LRP4: variants seen among roughly 807,000 people sequenced by gnomAD.
LRP4 encodes the protein low-density lipoprotein receptor-related protein 4.
LRP4 carries 95 observed loss-of-function variants against 220.3 expected under a neutral mutation model. The ratio of observed to expected loss-of-function variants is 0.43; its 90% confidence interval spans 0.37 to 0.51. The LOEUF (loss-of-function observed/expected upper bound fraction) is 0.51. Ranked by LOEUF, LRP4 falls within the 20% of genes least tolerant of loss-of-function variation. LRP4 has a pLI of 0.00. For missense variants in LRP4, 1,925 were observed against 2,567.0 expected (o/e 0.75, Z 5.40); for synonymous variants, 903 against 954.6 (o/e 0.95, Z 1.00).
chr11:46,905,475 T>G (rs1941744872), intron 1 of LRP4, among the ~76,000 whole-genome samples: 1 of 152,196 alleles, frequency 6.6e-6, no homozygotes. Flanking sequence ...TTTAGCAATG[T>G]TTGGAGACAT....
In LRP4 at chr11:46,895,384, A is replaced by G. The variant is rs546074128; in HGVS notation, c.1184-93T>C. ...GAGCTGCTTTTCTGCCCACATCCCC[A>G]TCTACTTTCCAGGCCTAGTGGGAAG... On this transcript the variant is annotated intron_variant, in intron 10 of 37. Transcript: ENST00000378623. 5.6e-4 allele frequency: 866 copies of G among 1,540,532 alleles called. 1 individual carries two copies. Among genetic ancestry groups the G allele is most frequent in the Non-Finnish European group, 7.1e-4 (802 of 1,127,848 alleles).
At chr11:46,912,521 C>T (rs1941878013) in intron 1 of LRP4, among the ~76,000 whole-genome samples, 1 of 152,110 alleles carries the variant, frequency 6.6e-6, no homozygotes, top group Non-Finnish European at 1.5e-5. Flanking sequence ...TTCCTATTTG[C>T]TAGGCTTGTG....
chr11:46,859,922 A>G (rs1182812576), intron 37 of LRP4, among the ~76,000 whole-genome samples: 1 of 152,096 alleles, frequency 6.6e-6, no homozygotes, highest in African/African-American at 2.4e-5. Context: ...TTGGGAGGTA[A>G]GACAGGGGAC....
intron 1 of LRP4, among the ~76,000 whole-genome samples, chr11:46,910,313 T>C (rs9804599): frequency 0.041 from 6,209 of 152,260 alleles, 418 homozygotes; most frequent in African/African-American, 0.14. Flanking sequence ...CCTCTTTATA[T>C]ATAATTTTCT....
chr11:46,894,917 A>G, intron 11 of LRP4, 98 bp from the exon 12 acceptor site: 1 of 1,139,528 alleles, frequency 8.8e-7, no homozygotes, highest in Non-Finnish European at 1.3e-6. Flanking sequence ...CCACTTGCTC[A>G]CAAGGACATG....
In LRP4 at chr11:46,890,393, G is replaced by A. The variant is rs755126115; in HGVS notation, c.1799C>T (p.Pro600Leu). ...RIIADTHLFW[P>L]NGLTIDYAGR... ...GGCATAGTCGATGGTGAGGCCATTG[G>A]GCCAGAAGAGATGGGTATCGGCAAT... The change falls in exon 14 of 38, where the codon CCC (proline) becomes CTC (leucine). Residue 600 changes from proline (P) to leucine (L), a missense_variant. Coordinates refer to ENST00000378623, the MANE Select transcript of LRP4 (RefSeq NM_002334.4). This position sits in a 1 kb window ranked among gnomAD's most constrained non-coding sequence, Gnocchi z 5.3. 7 of 1,614,168 alleles carry A rather than the reference G, an allele frequency of 4.3e-6. No homozygotes were observed. The highest frequency in any genetic ancestry group is 5.9e-6 in the Non-Finnish European group (7 of 1,180,032).
intron 18 of LRP4, among the ~76,000 whole-genome samples, chr11:46,884,655 T>G (rs1941241175): frequency 6.9e-6 from 1 of 144,172 alleles, no homozygotes; most frequent in African/African-American, 2.6e-5. Flanking sequence ...GAGAATGGCG[T>G]GAACCTGGGA....
At chr11:46,889,793 A>T (rs1035688692) in intron 15 of LRP4, 151 bp downstream of exon 15, 30 of 913,432 alleles carry the variant, frequency 3.3e-5, no homozygotes, top group Non-Finnish European at 5.0e-5. Flanking sequence ...CCGAATGTCC[A>T]GCAGAGGGAG....
intron 19 of LRP4, among the ~76,000 whole-genome samples, chr11:46,883,627 C>T (rs1228240500): frequency 6.6e-6 from 1 of 152,150 alleles, no homozygotes; most frequent in Admixed American, 6.6e-5. Context: ...CTGTGAGACC[C>T]CTGATTTCTT....
chr11:46,890,539 G>T lies in LRP4; in HGVS notation c.1698-45C>A. Reference sequence around the variant, plus strand: ...TTGGGAAGTGGGCAGCAGAAAACAGGTAGGTAACCAGGAGAATAATCAGGT... The same window carrying T: ...TTGGGAAGTGGGCAGCAGAAAACAGTTAGGTAACCAGGAGAATAATCAGGT... On this transcript the variant is annotated intron_variant, in intron 13 of 37. Coordinates refer to ENST00000378623, the MANE Select transcript of LRP4 (RefSeq NM_002334.4). The surrounding 1 kb of genome is among the most constrained non-coding windows in gnomAD (Gnocchi z 5.3). The T allele has an allele frequency of 7.4e-7, 1 of 1,358,536 alleles. No individual in the cohort carries two copies. The highest frequency in any genetic ancestry group is 1.4e-5 in the African/African-American group (1 of 70,060). The allele number at this position is 1,358,536 out of a possible 1,614,324, so 84.2% of individuals were successfully genotyped here.
At chr11:46,862,100 A>G (rs1348067304) in intron 37 of LRP4, among the ~76,000 whole-genome samples, 5 of 149,030 alleles carry the variant, frequency 3.4e-5, no homozygotes. Context: ...AAGCAAAAGC[A>G]GGTAAACCTT....
chr11:46,887,220 C>CAA (rs1219862152), intron 16 of LRP4, among the ~76,000 whole-genome samples: 1 of 152,204 alleles, frequency 6.6e-6, no homozygotes. Flanking sequence ...CTCTGCCTTT[C>CAA]CTCTGGTCAG....
intron 1 of LRP4, among the ~76,000 whole-genome samples, chr11:46,905,195 G>A (rs1307944870): frequency 6.6e-6 from 1 of 152,078 alleles, no homozygotes; most frequent in African/African-American, 2.4e-5. Flanking sequence ...CATCCTTTCT[G>A]GCCTGAGAAC....
chr11:46,878,908 T>C lies in LRP4; in HGVS notation c.3135A>G (p.Pro1045=), dbSNP rs1223969652. The change falls in exon 22 of 38, where the codon CCA becomes CCG. Residue 1045 remains proline, a splice_region_variant and synonymous_variant. Transcript: ENST00000378623. The part of the protein sequence containing the change: ...NLLSDGKTCS[P]GMNSFLIFAR... ...TAGATCTGTGATGCTTTCACTCACC[T>C]GGTGAGCAGGTCTTGCCATCAGACA... The C allele has an allele frequency of 6.2e-7, 1 of 1,614,074 alleles. No individual in the cohort carries two copies.
chr11:46,905,748 AG>A (rs1319581454), intron 1 of LRP4, among the ~76,000 whole-genome samples: 4 of 151,516 alleles, frequency 2.6e-5, no homozygotes, highest in South Asian at 2.1e-4. Context: ...GCTACTTGGG[AG>A]GCTGAGGCAG....
At chr11:46,888,628 T>A (rs1362101999) in intron 16 of LRP4, among the ~76,000 whole-genome samples, 1 of 148,820 alleles carries the variant, frequency 6.7e-6, no homozygotes, top group Admixed American at 6.8e-5. Flanking sequence ...AATATGTGTA[T>A]GAATGAAACT....
chr11:46,863,696 T>A (rs1592510646), intron 36 of LRP4, among the ~76,000 whole-genome samples: 1 of 151,374 alleles, frequency 6.6e-6, no homozygotes, highest in South Asian at 2.1e-4. Flanking sequence ...GAGGCAGAGG[T>A]TGCAGAGAGC....
intron 1 of LRP4, among the ~76,000 whole-genome samples, chr11:46,917,439 G>T (rs1473084771): frequency 6.6e-6 from 1 of 152,152 alleles, no homozygotes; most frequent in African/African-American, 2.4e-5. Context: ...AGCCCGCGGA[G>T]AAGCAGATTC....
rs759886032 is a variant in LRP4 at position 46,868,045 on chromosome 11, G to A, written c.5021C>T (p.Thr1674Ile). Residue 1674 changes from threonine to isoleucine, a missense_variant, in exon 34 of 38, where the codon ACA becomes ATA. By Grantham distance (89) the Thr-to-Ile change is moderately conservative. Around this residue, in one of 3 missense-constraint regions of LRP4, gnomAD observed 1,244 missense variants for 1,624.9 expected, o/e 0.77. Transcript: ENST00000378623. Reference sequence around the variant, plus strand: ...TGAAGAATACAAGGTGGTAGGTGGTGTGTTGGGTAGCACTGGGCTCTTTTC... The same window carrying A: ...TGAAGAATACAAGGTGGTAGGTGGTATGTTGGGTAGCACTGGGCTCTTTTC... ...MSEKSPVLPNTPPTTLYSSTT... is the reference protein window; with the variant it reads ...MSEKSPVLPNIPPTTLYSSTT... The A allele has an allele frequency of 1.1e-5, 17 of 1,614,186 alleles. No homozygotes were observed. Among genetic ancestry groups the A allele is most frequent in the African/African-American group, 1.3e-5 (1 of 75,042 alleles).
Sources: allele counts gnomAD v4.1 joint callset (sites outside exome capture counted in the v4.1 genomes callset), GRCh38; gene constraint gnomAD v4.1.1; regional missense constraint gnomAD v4.1.1; non-coding constraint Gnocchi (gnomAD v3.1); transcripts MANE v1.5; gene names NCBI Gene and HGNC (gene_info 2026-07-23, HGNC 2026-07-21).